DIP2C: variants seen among roughly 807,000 people sequenced by gnomAD.
The protein encoded by DIP2C is disco-interacting protein 2 homolog C.
DIP2C carries 33 observed loss-of-function variants against 192.4 expected under a neutral mutation model. The ratio of observed to expected loss-of-function variants is 0.17; its 90% confidence interval spans 0.13 to 0.23. DIP2C has a LOEUF of 0.23. Among genes scored for constraint, DIP2C ranks in the 10% least tolerant of loss-of-function variants. DIP2C has a pLI of 1.00. For synonymous variants in DIP2C, 979 were observed against 864.1 expected, an observed-to-expected ratio of 1.13 and a Z score of -2.33; for missense variants, 1,537 against 2,110.1, an observed-to-expected ratio of 0.73 and a Z score of 5.32.
intron 1 of DIP2C, among the ~76,000 whole-genome samples, chr10:533,600 C>G (rs999546768): frequency 5.3e-5 from 8 of 150,118 alleles, no homozygotes; most frequent in Non-Finnish European, 1.2e-4. Context: ...AGGTAGGGAA[C>G]AGCTTAGGCA....
intron 3 of DIP2C, among the ~76,000 whole-genome samples, chr10:466,121 C>G (rs1302997249): frequency 1.4e-5 from 2 of 147,998 alleles, no homozygotes; most frequent in African/African-American, 4.9e-5. Flanking sequence ...AGGCATCACA[C>G]TACCTGACTT....
At chr10:498,418 C>A (rs536365657) in intron 1 of DIP2C, among the ~76,000 whole-genome samples, 9 of 152,312 alleles carry the variant, frequency 5.9e-5, no homozygotes, top group African/African-American at 1.9e-4. Context: ...CACTCACAAT[C>A]AGCAGTCCGG....
In DIP2C at chr10:349,185, G is replaced by A. The variant is rs1012126885; in HGVS notation, c.3109+146C>T. 3.4e-6 allele frequency: 4 copies of A among 1,171,414 alleles called. No individual in the cohort carries two copies. In the South Asian group the frequency reaches 6.5e-5, roughly 19 times the overall value. The allele number at this position is 1,171,414 out of a possible 1,614,324, so 72.6% of individuals were successfully genotyped here. ...GAGTGGTCGTAGCCAGACACAAACG[G>A]GCTGGTTAGCATCCAGCTGGATACA... On this transcript the variant is annotated intron_variant, in intron 25 of 36. Transcript: ENST00000280886.
At chr10:516,957 C>T (rs1422695813) in intron 1 of DIP2C, among the ~76,000 whole-genome samples, 3 of 151,320 alleles carry the variant, frequency 2.0e-5, no homozygotes, top group African/African-American at 7.3e-5. Flanking sequence ...CCAGGAGAGG[C>T]ATCCGCGGCA....
intron 3 of DIP2C, among the ~76,000 whole-genome samples, chr10:445,175 G>A (rs1265805597): frequency 1.3e-5 from 2 of 152,174 alleles, no homozygotes; most frequent in African/African-American, 4.8e-5. Context: ...GGACCACTGG[G>A]CATCTGTATA....
At chr10:505,669 C>T (rs1845552652) in intron 1 of DIP2C, among the ~76,000 whole-genome samples, 1 of 151,644 alleles carries the variant, frequency 6.6e-6, no homozygotes, top group African/African-American at 2.4e-5. Flanking sequence ...ACCTGCCCAG[C>T]TGTGCTTCCT....
intron 17 of DIP2C, among the ~76,000 whole-genome samples, chr10:374,295 T>G (rs1264216055): frequency 6.6e-6 from 1 of 152,216 alleles, no homozygotes; most frequent in Non-Finnish European, 1.5e-5. Context: ...ACTTAAATTT[T>G]TAAGAAGACC....
chr10:279,718 A>T (rs529781782), intron 36 of DIP2C, among the ~76,000 whole-genome samples: 12 of 152,300 alleles, frequency 7.9e-5, no homozygotes, highest in African/African-American at 2.9e-4. Flanking sequence ...CAAACATTCA[A>T]AAGTCCACTC....
At chr10:621,865 G>A (rs75806378) in intron 1 of DIP2C, among the ~76,000 whole-genome samples, 267 of 152,268 alleles carry the variant, frequency 1.8e-3, no homozygotes, top group African/African-American at 5.4e-3. Context: ...GATGTCATTC[G>A]CTGATAAACT....
intron 3 of DIP2C, among the ~76,000 whole-genome samples, chr10:452,732 G>A (rs1164986040): frequency 6.6e-6 from 1 of 152,196 alleles, no homozygotes; most frequent in African/African-American, 2.4e-5. Flanking sequence ...CCCTCCTGCA[G>A]AGAAAACACC....
At chr10:300,332 C>T (rs1172098497) in intron 32 of DIP2C, among the ~76,000 whole-genome samples, 1 of 152,154 alleles carries the variant, frequency 6.6e-6, no homozygotes, top group Non-Finnish European at 1.5e-5. Flanking sequence ...GATTTTGACA[C>T]AATGCTACAA....
chr10:345,493 AGTT>A (rs1958401902), intron 26 of DIP2C, among the ~76,000 whole-genome samples: 1 of 64,312 alleles, frequency 1.6e-5, no homozygotes, highest in African/African-American at 5.3e-5. Flanking sequence ...CATCGCGCAC[AGTT>A]CTCCCGGAAA....
At chr10:550,396 G>A (rs916996484) in intron 1 of DIP2C, among the ~76,000 whole-genome samples, 1 of 152,118 alleles carries the variant, frequency 6.6e-6, no homozygotes, top group African/African-American at 2.4e-5. Flanking sequence ...ATTACCCACA[G>A]GTGGCCACTG....
At chr10:350,242 G>A (rs1958724996) in intron 24 of DIP2C, among the ~76,000 whole-genome samples, 2 of 151,970 alleles carry the variant, frequency 1.3e-5, no homozygotes, top group Admixed American at 1.3e-4. Flanking sequence ...CATCATGACT[G>A]GCTAATTTTA....
intron 29 of DIP2C, among the ~76,000 whole-genome samples, chr10:332,079 G>T (rs1957532967): frequency 6.6e-6 from 1 of 151,936 alleles, no homozygotes; most frequent in Non-Finnish European, 1.5e-5. Context: ...CCATGACTGG[G>T]ACTAGAGACT....
intron 28 of DIP2C, among the ~76,000 whole-genome samples, chr10:344,485 C>T (rs1024251788): frequency 2.6e-5 from 4 of 152,144 alleles, no homozygotes; most frequent in East Asian, 3.9e-4. Context: ...CAGGTTAAAA[C>T]GCTAGAAAGT....
intron 1 of DIP2C, among the ~76,000 whole-genome samples, chr10:612,311 A>C (rs1351126795): frequency 1.3e-5 from 2 of 152,124 alleles, no homozygotes; most frequent in Non-Finnish European, 2.9e-5. Context: ...AAATAAACCA[A>C]TACACCCACT....
rs559168664 is a variant in DIP2C at position 574,809 on chromosome 10, C to T, written c.86-88279G>A. ...TGATACTAGAGGTCTTGTGCAGGACCAGAAGCATCGCAACGCGGTTTCCTG... is the reference window on the plus strand; with the variant it reads ...TGATACTAGAGGTCTTGTGCAGGACTAGAAGCATCGCAACGCGGTTTCCTG... On this transcript the variant is annotated intron_variant, in intron 1 of 36. Transcript: ENST00000280886. 1.1e-4 allele frequency among the ~76,000 whole-genome samples: 16 copies of T among 152,286 alleles called. No homozygotes were observed. In the South Asian group the frequency reaches 3.3e-3, roughly 32 times the overall value.
chr10:445,847 T>A (rs1968144214), intron 3 of DIP2C, among the ~76,000 whole-genome samples: 2 of 150,674 alleles, frequency 1.3e-5, no homozygotes, highest in Non-Finnish European at 3.0e-5. Flanking sequence ...GAAGAGTCTA[T>A]CTTGCACTGG....
Sources: allele counts gnomAD v4.1 joint callset (sites outside exome capture counted in the v4.1 genomes callset), GRCh38; gene constraint gnomAD v4.1.1; transcripts MANE v1.5; gene names NCBI Gene and HGNC (gene_info 2026-07-23, HGNC 2026-07-21).